The following CFAP53 variants were observed in gnomAD, a reference collection of about 807,000 sequenced individuals.
The protein encoded by CFAP53 is cilia and flagella associated protein 53, also known as cilia- and flagella-associated protein 53.
Under a neutral mutation model 59.7 loss-of-function variants are expected in CFAP53, and 62 were observed. The observed-to-expected ratio is 1.04, with a 90% CI of 0.85 to 1.28. The LOEUF is 1.28. CFAP53 is among the 50% of genes most tolerant of loss of function. CFAP53 has a pLI of 0.00. For synonymous variants in CFAP53, 218 were observed against 205.7 expected, an observed-to-expected ratio of 1.06 and a Z score of -0.51; for missense variants, 629 against 615.6, an observed-to-expected ratio of 1.02 and a Z score of -0.23.
In CFAP53 at chr18:50,245,419, G is replaced by A. The variant is rs1247759959; in HGVS notation, c.997-2303C>T. Among the ~76,000 whole-genome samples, 10 of 149,996 alleles carry A rather than the reference G, an allele frequency of 6.7e-5. No homozygotes were observed. The East Asian group carries it at 1.6e-3, about 23-fold the overall frequency. ...AAAAAAAAAAAAAAAACTAATAAAC[G>A]AGTTTAGCAATGTTGCAGGATACAA... is the stretch of plus-strand genomic sequence containing the variant. On this transcript the variant is annotated intron_variant, in intron 5 of 7. Transcript: ENST00000398545.
In CFAP53 at chr18:50,237,005, C is replaced by G. The variant is rs1568151357; in HGVS notation, c.1316+1598G>C. ...GTCCTCACAAATCTCCAACAGAAGACTTTTTAAAAATGAGAAAGAGGCCAG... is the reference window on the plus strand; with the variant it reads ...GTCCTCACAAATCTCCAACAGAAGAGTTTTTAAAAATGAGAAAGAGGCCAG... On this transcript the variant is annotated intron_variant, in intron 7 of 7. Transcript: ENST00000398545. Among the ~76,000 whole-genome samples the G allele has an allele frequency of 2.0e-5, 3 of 151,824 alleles. No homozygotes were observed. The South Asian group carries it at 6.3e-4, about 32-fold the overall frequency.
At chr18:50,260,022 G>T (rs1417234605) in intron 3 of CFAP53, among the ~76,000 whole-genome samples, 1 of 152,170 alleles carries the variant, frequency 6.6e-6, no homozygotes, top group African/African-American at 2.4e-5. Context: ...GGAATGTCTT[G>T]GTTTGTGAAA....
rs751463235 is a variant in CFAP53, at chr18:50,261,148, ATCCT to A, written c.385_388del (p.Arg129Ter). ...TTTTAGTAATTTAGTTTTCTCTCTC[ATCCT>A]ATCTTTTTTCTCCTCAATGGTTTCT... is the stretch of plus-strand genomic sequence containing the variant. On this transcript the variant is annotated frameshift_variant, in exon 3 of 8. Coordinates refer to ENST00000398545, the MANE Select transcript of CFAP53 (RefSeq NM_145020.5). LOFTEE classifies it high-confidence loss of function. The A allele has an allele frequency of 3.1e-6, 5 of 1,595,334 alleles. No homozygotes were observed.
In CFAP53 at chr18:50,238,698, T is replaced by C. The variant is rs747330941; in HGVS notation, c.1221A>G (p.Arg407=). ...RKLQVQEKLQ[R]EAKEQEERAM... is the part of the protein sequence containing the mutation. ...CACGTTCTTCCTGTTCTTTAGCTTC[T>C]CGTTGCACTAAGAAAAGCAAAAGTA... The change falls in exon 7 of 8, where the codon CGA becomes CGG. Residue 407 remains arginine (R), a synonymous_variant. Coordinates refer to ENST00000398545, the MANE Select transcript of CFAP53 (RefSeq NM_145020.5). The C allele has an allele frequency of 1.3e-5, 21 of 1,610,078 alleles. No individual in the cohort carries two copies. Among genetic ancestry groups the C allele is most frequent in the Non-Finnish European group, 1.5e-5 (18 of 1,178,356 alleles).
At chr18:50,256,958 T>G (rs371708084) in intron 3 of CFAP53, among the ~76,000 whole-genome samples, 1 of 148,826 alleles carries the variant, frequency 6.7e-6, no homozygotes, top group Non-Finnish European at 1.5e-5. Flanking sequence ...CTAGATGACC[T>G]AACAACCTAA....
intron 6 of CFAP53, among the ~76,000 whole-genome samples, chr18:50,239,586 A>AG (rs1431086065): frequency 1.3e-5 from 2 of 152,210 alleles, no homozygotes; most frequent in Non-Finnish European, 1.5e-5. Flanking sequence ...GGAATTCTAA[A>AG]ATAACAGTAA....
intron 1 of CFAP53, among the ~76,000 whole-genome samples, chr18:50,264,742 C>T (rs2033921428): frequency 6.6e-6 from 1 of 152,190 alleles, no homozygotes; most frequent in South Asian, 2.1e-4. Flanking sequence ...ATTCAATAAG[C>T]CCGCTTCTCT....
intron 2 of CFAP53, 123 bp from the exon 3 acceptor site, chr18:50,261,360 A>C (rs1466547368): frequency 1.9e-6 from 2 of 1,057,082 alleles, no homozygotes; most frequent in East Asian, 3.0e-5. Context: ...GCAGTCTTCC[A>C]CAGAATAAGA....
intron 5 of CFAP53, among the ~76,000 whole-genome samples, chr18:50,243,471 T>C (rs1002855134): frequency 6.6e-6 from 1 of 152,258 alleles, no homozygotes; most frequent in Non-Finnish European, 1.5e-5. Context: ...AGTTGCCAAA[T>C]AGTTTTCAAT....
chr18:50,245,154 G>A (rs1205097388), intron 5 of CFAP53, among the ~76,000 whole-genome samples: 8 of 151,230 alleles, frequency 5.3e-5, no homozygotes, highest in Non-Finnish European at 1.2e-4. Flanking sequence ...AGGCCGAGGC[G>A]GGTGGATCAT....
At chr18:50,231,031 C>T (rs1465521764) in intron 7 of CFAP53, among the ~76,000 whole-genome samples, 2 of 152,146 alleles carry the variant, frequency 1.3e-5, no homozygotes, top group Admixed American at 6.5e-5. Flanking sequence ...TGTTCATGGC[C>T]CAGGACATAC....
rs1430640673 is a variant in CFAP53, at chr18:50,251,431, A to G, written c.777+50T>C. ...GTACTGTAACAGGCCTGCAAACTGT[A>G]CTACACCCATGGCGTTGATCACCCT... On this transcript the variant is annotated intron_variant, in intron 4 of 7. Coordinates refer to ENST00000398545, the MANE Select transcript of CFAP53 (RefSeq NM_145020.5). The G allele has an allele frequency of 2.6e-6, 4 of 1,514,236 alleles. No individual in the cohort carries two copies. In the South Asian group the frequency reaches 3.6e-5, roughly 14 times the overall value. The allele number at this position is 1,514,236 out of a possible 1,614,324, so 93.8% of individuals were successfully genotyped here.
intron 3 of CFAP53, among the ~76,000 whole-genome samples, chr18:50,252,405 C>T (rs1482641996): frequency 6.6e-6 from 1 of 151,640 alleles, no homozygotes; most frequent in Admixed American, 6.6e-5. Context: ...TACCCAGCTG[C>T]TCACTTTTTT....
At position 50,266,426 on chromosome 18, in the gene CFAP53, G is replaced by A; in HGVS notation, c.-22C>T. ...ACATTTTCGAGTCCCCTTCGGGACG[G>A]GGGCGGCGTCCGCCGCGTTTCCCCC... On this transcript the variant is annotated 5_prime_UTR_variant, in exon 1 of 8. Coordinates refer to ENST00000398545, the MANE Select transcript of CFAP53 (RefSeq NM_145020.5). 6.2e-7 allele frequency: 1 copy of A among 1,613,464 alleles called. No homozygotes were observed. The highest frequency in any genetic ancestry group is 8.5e-7 in the Non-Finnish European group (1 of 1,179,330).
chr18:50,237,963 G>T (rs2033654157), intron 7 of CFAP53, among the ~76,000 whole-genome samples: 1 of 151,762 alleles, frequency 6.6e-6, no homozygotes. Flanking sequence ...TTTCATGGAG[G>T]AAAAAAAATC....
intron 3 of CFAP53, among the ~76,000 whole-genome samples, chr18:50,259,722 T>C (rs1459766186): frequency 6.6e-6 from 1 of 152,044 alleles, no homozygotes; most frequent in African/African-American, 2.4e-5. Flanking sequence ...CATGAGCCAC[T>C]GCGCCCGGCC....
Position 50,237,367 on chromosome 18 carries a change from T to C in CFAP53, c.1316+1236A>G, listed in dbSNP as rs199793866. 1.1e-3 allele frequency among the ~76,000 whole-genome samples: 69 copies of C among 63,872 alleles called. 1 individual carries two copies. The highest frequency in any genetic ancestry group is 2.8e-3 in the Admixed American group (11 of 3,948). The allele number at this position is 63,872 out of a possible 152,430, so 41.9% of individuals were successfully genotyped here. On this transcript the variant is annotated intron_variant, in intron 7 of 7. Coordinates refer to ENST00000398545, the MANE Select transcript of CFAP53 (RefSeq NM_145020.5). ...ATATATATATACGCACACATATATA[T>C]ACACACACACACACACATACACACA...
intron 7 of CFAP53, among the ~76,000 whole-genome samples, chr18:50,232,107 C>T (rs983148436): frequency 1.3e-5 from 2 of 152,222 alleles, no homozygotes; most frequent in African/African-American, 2.4e-5. Context: ...CTTTTCATCT[C>T]GGCTGGACAT....
intron 7 of CFAP53, among the ~76,000 whole-genome samples, chr18:50,227,962 T>TTTTTTC (rs1404786566): frequency 7.7e-6 from 1 of 129,426 alleles, no homozygotes. Flanking sequence ...CTCCTTTTTT[T>TTTTTTC]TTTTTTTTTT....
Sources: gnomAD v4.1 joint callset for allele counts (sites outside exome capture counted in the v4.1 genomes callset) on GRCh38, gnomAD v4.1.1 for gene constraint, MANE v1.5 for transcripts, NCBI Gene and HGNC (gene_info 2026-07-23, HGNC 2026-07-21) for gene names.